The following GNAQ variants were observed in gnomAD, a reference collection of about 807,000 sequenced individuals.
GNAQ encodes the protein guanine nucleotide-binding protein G(q) subunit alpha.
In GNAQ, 8 loss-of-function variants were observed where a neutral mutation model predicts 43.9. The observed-to-expected ratio is 0.18, with a 90% CI of 0.11 to 0.33. GNAQ has a LOEUF of 0.33. Among genes scored for constraint, GNAQ ranks in the 10% least tolerant of loss-of-function variants. GNAQ has a pLI of 1.00. For missense variants in GNAQ, 158 were observed against 450.8 expected (o/e 0.35, Z 5.88); for synonymous variants, 155 against 170.7 (o/e 0.91, Z 0.71).
intron 1 of GNAQ, among the ~76,000 whole-genome samples, chr9:77,991,274 T>C (rs565115990): frequency 7.9e-5 from 12 of 152,250 alleles, no homozygotes; most frequent in Non-Finnish European, 1.6e-4. Context: ...ACACTATCAG[T>C]TGGCCTTTCC....
intron 1 of GNAQ, among the ~76,000 whole-genome samples, chr9:77,956,470 T>C (rs1823042208): frequency 1.3e-5 from 2 of 152,194 alleles, no homozygotes; most frequent in South Asian, 2.1e-4. Flanking sequence ...AGAAGACTAA[T>C]ATTACCCTTT....
intron 2 of GNAQ, among the ~76,000 whole-genome samples, chr9:77,825,471 C>A (rs923417445): frequency 6.6e-6 from 1 of 152,102 alleles, no homozygotes; most frequent in Non-Finnish European, 1.5e-5. Flanking sequence ...TTCAAGCAGA[C>A]GGTAAAGGCA....
intron 2 of GNAQ, among the ~76,000 whole-genome samples, chr9:77,883,698 T>TA (rs1828255173): frequency 6.6e-6 from 1 of 151,916 alleles, no homozygotes; most frequent in Admixed American, 6.6e-5. Flanking sequence ...GCTTGGGTTT[T>TA]AATATACCTG....
In GNAQ at chr9:77,717,599, C is replaced by T. The variant is rs566860304; in HGVS notation, c.*3724G>A. 6 of 232,222 alleles carry T rather than the reference C, an allele frequency of 2.6e-5. No homozygotes were observed. The highest frequency in any genetic ancestry group is 5.6e-5 in the Admixed American group (1 of 17,774). 14.4% of individuals were successfully genotyped at this position (232,222 alleles called of 1,614,324 possible). ...CCTAACTTAAGACAACTAAAATTTA[C>T]AATCATGTGGCAGTATAAATTTTAA... On this transcript the variant is annotated 3_prime_UTR_variant, in exon 7 of 7. Coordinates refer to ENST00000286548, the MANE Select transcript of GNAQ (RefSeq NM_002072.5).
chr9:77,995,764 A>G (rs1823559981), intron 1 of GNAQ, among the ~76,000 whole-genome samples: 1 of 152,136 alleles, frequency 6.6e-6, no homozygotes, highest in African/African-American at 2.4e-5. Flanking sequence ...TACAAGCATG[A>G]CCACACCTGA....
At chr9:77,799,048 C>G (rs77094823) in intron 3 of GNAQ, among the ~76,000 whole-genome samples, 5,182 of 152,198 alleles carry the variant, frequency 0.034, 255 homozygotes, top group African/African-American at 0.11. Context: ...ATTCATGTTT[C>G]ATTTTCTCAA....
intron 1 of GNAQ, among the ~76,000 whole-genome samples, chr9:77,977,749 G>C (rs1020181296): frequency 1.1e-4 from 17 of 152,190 alleles, no homozygotes; most frequent in African/African-American, 3.6e-4. Context: ...TCTGAAGAAG[G>C]CTAGTGGGGT....
At chr9:77,749,264 G>A (rs1175721768) in intron 5 of GNAQ, among the ~76,000 whole-genome samples, 1 of 152,144 alleles carries the variant, frequency 6.6e-6, no homozygotes, top group Non-Finnish European at 1.5e-5. Flanking sequence ...GAGGAATGAG[G>A]CTCCACTGTA....
chr9:77,905,861 A>G (rs745804444), intron 2 of GNAQ, among the ~76,000 whole-genome samples: 18 of 152,322 alleles, frequency 1.2e-4, no homozygotes, highest in Non-Finnish European at 2.2e-4. Context: ...GTTCTCTCTC[A>G]TAAGTAGGAG....
At chr9:77,913,643 C>T (rs1233099498) in intron 2 of GNAQ, among the ~76,000 whole-genome samples, 1 of 152,118 alleles carries the variant, frequency 6.6e-6, no homozygotes, top group Admixed American at 6.6e-5. Context: ...AAACCAGAGA[C>T]AAAGGAATAT....
intron 1 of GNAQ, among the ~76,000 whole-genome samples, chr9:78,022,869 A>G (rs1036331565): frequency 3.7e-4 from 57 of 152,362 alleles, no homozygotes; most frequent in African/African-American, 1.3e-3. Context: ...AAATGTACTC[A>G]GGCTGATTGG....
intron 2 of GNAQ, among the ~76,000 whole-genome samples, chr9:77,869,683 AT>A (rs1246865410): frequency 6.6e-6 from 1 of 152,108 alleles, no homozygotes; most frequent in Non-Finnish European, 1.5e-5. Context: ...ATACTCCTTA[AT>A]TTGGCCACTT....
chr9:77,725,601 A>G (rs1217632098), intron 6 of GNAQ, among the ~76,000 whole-genome samples: 2 of 151,512 alleles, frequency 1.3e-5, no homozygotes, highest in African/African-American at 2.4e-5. Flanking sequence ...AAAAAAAAAA[A>G]AAAAGTCTTC....
In GNAQ at chr9:77,967,021, C is replaced by T. The variant is rs566568863; in HGVS notation, c.137-44676G>A. Among the ~76,000 whole-genome samples the T allele has an allele frequency of 1.1e-4, 17 of 152,322 alleles. No individual in the cohort carries two copies. In the East Asian group the frequency reaches 3.3e-3, roughly 29 times the overall value. ...CACAGTCTTTCTCAGAAACTCATTT[C>T]ATCACTCTCCCCATGGGCTTTTGTT... On this transcript the variant is annotated intron_variant, in intron 1 of 6. Coordinates refer to ENST00000286548, the MANE Select transcript of GNAQ (RefSeq NM_002072.5).
At chr9:77,835,294 C>CTGTTCGGG (rs1218306918) in intron 2 of GNAQ, among the ~76,000 whole-genome samples, 4 of 151,556 alleles carry the variant, frequency 2.6e-5, no homozygotes, top group South Asian at 4.2e-4. Context: ...AAGGGATCTA[C>CTGTTCGGG]TGTTCGGGGT....
chr9:77,931,061 G>A (rs748730658), intron 1 of GNAQ, among the ~76,000 whole-genome samples: 2 of 150,502 alleles, frequency 1.3e-5, no homozygotes, highest in South Asian at 2.1e-4. Flanking sequence ...CCAACCCCCC[G>A]ACCCGACCCC....
intron 5 of GNAQ, among the ~76,000 whole-genome samples, chr9:77,785,912 G>A (rs576140754): frequency 2.0e-5 from 3 of 152,210 alleles, no homozygotes; most frequent in African/African-American, 7.2e-5. Flanking sequence ...GAACTAGATG[G>A]ACAGATTTCA....
intron 5 of GNAQ, among the ~76,000 whole-genome samples, chr9:77,736,023 T>G (rs1304078149): frequency 1.3e-5 from 2 of 152,216 alleles, no homozygotes. Flanking sequence ...AAGAACCTCC[T>G]GGTTAGGCAA....
At chr9:77,896,365 A>C (rs1246246530) in intron 2 of GNAQ, among the ~76,000 whole-genome samples, 1 of 152,194 alleles carries the variant, frequency 6.6e-6, no homozygotes, top group African/African-American at 2.4e-5. Context: ...CCTTTCAAAA[A>C]TCACCAAGAT....
Sources: gnomAD v4.1 joint callset for allele counts (sites outside exome capture counted in the v4.1 genomes callset) on GRCh38, gnomAD v4.1.1 for gene constraint, MANE v1.5 for transcripts, NCBI Gene and HGNC (gene_info 2026-07-23, HGNC 2026-07-21) for gene names.